The following ZCCHC17 variants were observed in gnomAD, a reference collection of about 807,000 sequenced individuals.
ZCCHC17 encodes zinc finger CCHC-type containing 17, also known as zinc finger CCHC domain-containing protein 17.
A neutral mutation model predicts 30.6 loss-of-function variants in ZCCHC17; 18 were observed. That is an observed-to-expected ratio of 0.59 (90% CI 0.41 to 0.87). The LOEUF (loss-of-function observed/expected upper bound fraction) is 0.87, where lower values mean the gene tolerates loss of function less well. Ranked by LOEUF, ZCCHC17 falls within the 40% of genes least tolerant of loss-of-function variation. ZCCHC17 has a pLI of 0.00. For synonymous variants in ZCCHC17, 88 were observed against 92.4 expected (o/e 0.95, Z 0.27); for missense variants, 263 against 284.2 (o/e 0.93, Z 0.54).
At chr1:31,334,331 CTCTCTCTGTG>C (rs1557443840) in intron 3 of ZCCHC17, among the ~76,000 whole-genome samples, 10 of 61,222 alleles carry the variant, frequency 1.6e-4, no homozygotes, top group African/African-American at 2.1e-4. Context: ...CTCTCTCTCT[CTCTCTCTGTG>C]TGTGTGTGTG....
At chr1:31,349,049 G>T in intron 7 of ZCCHC17, 75 bp downstream of exon 7, 1 of 1,488,636 alleles carries the variant, frequency 6.7e-7, no homozygotes. Flanking sequence ...GCCTCATGCA[G>T]CAGTACACAC....
At chr1:31,347,047 A>C (rs570451475) in intron 6 of ZCCHC17, among the ~76,000 whole-genome samples, 2 of 152,306 alleles carry the variant, frequency 1.3e-5, no homozygotes, top group Admixed American at 1.3e-4. Context: ...GTGTTGGATT[A>C]TGATTAACAC....
chr1:31,348,702 G>T lies in ZCCHC17; in HGVS notation c.419-127G>T, dbSNP rs1639361359. ...AAAATCTACCCTGAATCAAACAGCT[G>T]CTTTGAATGAACTCAACAATATTTC... On this transcript the variant is annotated intron_variant, in intron 6 of 7. Transcript: ENST00000344147. 4 of 1,137,156 alleles carry T rather than the reference G, an allele frequency of 3.5e-6. No individual in the cohort carries two copies. The East Asian group carries it at 9.8e-5, about 28-fold the overall frequency. The allele number at this position is 1,137,156 out of a possible 1,614,324, so 70.4% of individuals were successfully genotyped here.
At chr1:31,344,862 G>GTCGTTTGTTTGTTTGT (rs1639183006) in intron 5 of ZCCHC17, among the ~76,000 whole-genome samples, 1 of 150,486 alleles carries the variant, frequency 6.6e-6, no homozygotes, top group Non-Finnish European at 1.5e-5. Context: ...GTTTTTTTTT[G>GTCGTTTGTTTGTTTGT]TTGTTTGTTT....
At chr1:31,302,885 C>G (rs950667600) in intron 1 of ZCCHC17, among the ~76,000 whole-genome samples, 1 of 152,154 alleles carries the variant, frequency 6.6e-6, no homozygotes, top group Non-Finnish European at 1.5e-5. Context: ...GGTCCCTCCC[C>G]CAACATGTGG....
At position 31,338,983 on chromosome 1, in the gene ZCCHC17, C is replaced by T. The variant is rs1019788635; in HGVS notation, c.252C>T (p.Ser84=). The T allele has an allele frequency of 1.2e-6, 2 of 1,610,868 alleles. No individual in the cohort carries two copies. Among genetic ancestry groups the T allele is most frequent in the Non-Finnish European group, 8.5e-7 (1 of 1,179,222 alleles). ...REMKNDRIKV[S]LSMKVVNQGT... ...TGAAAAATGATAGAATAAAAGTATC[C>T]CTCTCCATGAAGGTTGTCAATCAAG... Residue 84 remains serine, a synonymous_variant, in exon 5 of 8, where the codon TCC becomes TCT. Coordinates refer to ENST00000344147, the MANE Select transcript of ZCCHC17 (RefSeq NM_016505.4).
intron 7 of ZCCHC17, among the ~76,000 whole-genome samples, chr1:31,360,799 C>T (rs1639856912): frequency 6.6e-6 from 1 of 152,174 alleles, no homozygotes; most frequent in African/African-American, 2.4e-5. Context: ...TTGGTCGACT[C>T]ACTTTACATT....
intron 6 of ZCCHC17, 26 bp from the exon 7 acceptor site, chr1:31,348,803 A>C: frequency 6.2e-7 from 1 of 1,611,958 alleles, no homozygotes; most frequent in Non-Finnish European, 8.5e-7. Flanking sequence ...TCCTTTTTCT[A>C]TACCTTTTCT....
chr1:31,315,641 T>G (rs775348472), intron 2 of ZCCHC17, among the ~76,000 whole-genome samples: 4 of 152,228 alleles, frequency 2.6e-5, no homozygotes, highest in Non-Finnish European at 4.4e-5. Context: ...AAGTAACTTA[T>G]GCCCCTGAGC....
In ZCCHC17 at chr1:31,364,015, T is replaced by A. The variant is rs1640033541; in HGVS notation, c.565-17T>A. 5.0e-6 allele frequency: 8 copies of A among 1,606,730 alleles called. No individual in the cohort carries two copies. The highest frequency in any genetic ancestry group is 6.8e-6 in the Non-Finnish European group (8 of 1,178,030). ...AATATACACATACAGTGTTGATTTT[T>A]AAAATTTTCTTTTCAGGAGAAGAAG... On this transcript the variant is annotated splice_polypyrimidine_tract_variant and intron_variant, in intron 7 of 7. Transcript: ENST00000344147.
chr1:31,302,672 T>C (rs983343713), intron 1 of ZCCHC17, among the ~76,000 whole-genome samples: 3 of 152,118 alleles, frequency 2.0e-5, no homozygotes, highest in African/African-American at 7.2e-5. Context: ...CTCACAGTTC[T>C]GAATTGCTGG....
chr1:31,326,216 T>G (rs1200429864), intron 3 of ZCCHC17, among the ~76,000 whole-genome samples: 1 of 151,868 alleles, frequency 6.6e-6, no homozygotes, highest in Non-Finnish European at 1.5e-5. Context: ...TTCTGGGGAG[T>G]TGGTTTTGCT....
intron 7 of ZCCHC17, among the ~76,000 whole-genome samples, chr1:31,360,468 C>T (rs1390229506): frequency 1.3e-5 from 2 of 152,212 alleles, no homozygotes; most frequent in East Asian, 1.9e-4. Context: ...CGCAACCAGG[C>T]GAACTACAAC....
At position 31,348,922 on chromosome 1, in the gene ZCCHC17, C is replaced by T. The variant is rs1032045979; in HGVS notation, c.512C>T (p.Ala171Val). Reference sequence around the variant, plus strand: ...GAGGAAAAGGAAGAGGCAAAGTCAGCAGAGTTTGAGAAGCCTGACCCTACA... The same window carrying T: ...GAGGAAAAGGAAGAGGCAAAGTCAGTAGAGTTTGAGAAGCCTGACCCTACA... ...EEEEKEEAKSAEFEKPDPTRN... is the reference protein window; with the variant it reads ...EEEEKEEAKSVEFEKPDPTRN... Residue 171 changes from alanine to valine, a missense_variant, in exon 7 of 8, where the codon GCA becomes GTA. Transcript: ENST00000344147. 2 of 1,612,438 alleles carry T rather than the reference C, an allele frequency of 1.2e-6. No individual in the cohort carries two copies. The highest frequency in any genetic ancestry group is 1.7e-6 in the Non-Finnish European group (2 of 1,179,496).
At chr1:31,360,199 C>A (rs10914365) in intron 7 of ZCCHC17, among the ~76,000 whole-genome samples, 2 of 150,484 alleles carry the variant, frequency 1.3e-5, no homozygotes, top group African/African-American at 4.9e-5. Flanking sequence ...GACAGAGTTT[C>A]GCTCTTGTTG....
chr1:31,313,182 T>G (rs1283079136), intron 2 of ZCCHC17, among the ~76,000 whole-genome samples: 1 of 150,592 alleles, frequency 6.6e-6, no homozygotes, highest in Non-Finnish European at 1.5e-5. Context: ...GGGTTTTAAG[T>G]GATCCTCCCA....
chr1:31,305,918 T>C (rs1646443733), intron 1 of ZCCHC17, among the ~76,000 whole-genome samples: 1 of 152,210 alleles, frequency 6.6e-6, no homozygotes, highest in African/African-American at 2.4e-5. Context: ...CCCTTGTTCA[T>C]GGGGGATACA....
At chr1:31,318,196 T>A in intron 2 of ZCCHC17, 4 of 1,535,462 alleles carry the variant, frequency 2.6e-6, no homozygotes, top group Non-Finnish European at 3.5e-6. Context: ...GTGCTCAAGA[T>A]GAAGCAGCTA....
rs145670453 is a variant in ZCCHC17 at position 31,360,511 on chromosome 1, C to T, written c.565-3521C>T. Among the ~76,000 whole-genome samples the T allele has an allele frequency of 1.4e-3, 218 of 152,300 alleles. 1 individual carries two copies. The East Asian group carries it at 0.034, about 23-fold the overall frequency. The stretch of plus-strand genomic sequence containing the variant: ...GTGATTGTTCTTTTGTTCTGTAGCT[C>T]AAGGCTAGACACGTAGGGAAAATGA... On this transcript the variant is annotated intron_variant, in intron 7 of 7. Transcript: ENST00000344147.
Sources: allele counts gnomAD v4.1 joint callset (sites outside exome capture counted in the v4.1 genomes callset), GRCh38; gene constraint gnomAD v4.1.1; transcripts MANE v1.5; gene names NCBI Gene and HGNC (gene_info 2026-07-23, HGNC 2026-07-21).